The following RYR3 variants were observed in gnomAD, a reference collection of about 807,000 sequenced individuals.
The protein encoded by RYR3 is ryanodine receptor 3.
In RYR3, 207 loss-of-function variants were observed where a neutral mutation model predicts 584.3. That is an observed-to-expected ratio of 0.35 (90% CI 0.32 to 0.40). RYR3 has a LOEUF of 0.40. RYR3 is among the 10% of genes least tolerant of loss of function. RYR3 has a pLI of 1.00. For missense variants in RYR3, 5,616 were observed against 6,089.2 expected, an observed-to-expected ratio of 0.92 and a Z score of 2.59; for synonymous variants, 2,416 against 2,248.5, an observed-to-expected ratio of 1.07 and a Z score of -2.11.
At chr15:33,541,713 T>G (rs2141158120) in intron 7 of RYR3, among the ~76,000 whole-genome samples, 1 of 152,294 alleles carries the variant, frequency 6.6e-6, no homozygotes, top group South Asian at 2.1e-4. Flanking sequence ...AAAACAGAGT[T>G]GTCAAGGTGA....
intron 38 of RYR3, among the ~76,000 whole-genome samples, chr15:33,683,026 G>C (rs1013145637): frequency 2.7e-5 from 4 of 150,834 alleles, no homozygotes; most frequent in South Asian, 2.1e-4. Flanking sequence ...ATGGAGTCTC[G>C]CTCTGTTGCC....
Position 33,670,469 on chromosome 15 carries a change from G to A in RYR3, c.5773G>A (p.Gly1925Arg), listed in dbSNP as rs1423536501. ...GGAGGAGGAGGACACCTCCTGGACAGGAAAACTCTGTGCCTTGGTTTACAA... is the reference window on the plus strand; with the variant it reads ...GGAGGAGGAGGACACCTCCTGGACAAGAAAACTCTGTGCCTTGGTTTACAA... ...EEEEEDTSWTGKLCALVYKIK... is the reference protein window; with the variant it reads ...EEEEEDTSWTRKLCALVYKIK... Residue 1925 changes from glycine to arginine, a missense_variant, in exon 38 of 104, where the codon GGA (glycine) becomes AGA (arginine). Gly to Arg is a moderately radical substitution (Grantham distance 125, BLOSUM62 -2). Around this residue, in one of 9 missense-constraint regions of RYR3, gnomAD observed 1,280 missense variants for 1,426.2 expected, o/e 0.90. Transcript: ENST00000634891. 1 of 1,612,008 alleles carries A rather than the reference G, an allele frequency of 6.2e-7. No homozygotes were observed. Among genetic ancestry groups the A allele is most frequent in the Admixed American group, 1.7e-5 (1 of 59,562 alleles).
At chr15:33,586,436 A>G (rs1006800745) in intron 16 of RYR3, among the ~76,000 whole-genome samples, 8 of 152,050 alleles carry the variant, frequency 5.3e-5, no homozygotes, top group Non-Finnish European at 7.4e-5. Context: ...CTTTCACCCT[A>G]GGATCCAGGA....
At position 33,853,566 on chromosome 15, in the gene RYR3, G is replaced by A. The variant is rs543108841; in HGVS notation, c.13683G>A (p.Lys4561=). The change falls in exon 96 of 104, where the codon AAG becomes AAA. Residue 4561 remains lysine, a synonymous_variant. Coordinates refer to ENST00000634891, the MANE Select transcript of RYR3 (RefSeq NM_001036.6). ...ATCCTTTGCTTCAGGTGATCAACAA[G>A]TATGGAGATCTCTACGGAGCAGAAC... The part of the protein sequence containing the change: ...DKFVKRKVIN[K]YGDLYGAERI... 11 of 1,613,856 alleles carry A rather than the reference G, an allele frequency of 6.8e-6. No homozygotes were observed. In the South Asian group the frequency reaches 1.1e-4, roughly 16 times the overall value.
In RYR3 at chr15:33,524,101, G is replaced by A. The variant is rs551735880; in HGVS notation, c.280-6491G>A. Among the ~76,000 whole-genome samples, 35 of 152,214 alleles carry A rather than the reference G, an allele frequency of 2.3e-4. No individual in the cohort carries two copies. The South Asian group carries it at 2.5e-3, about 11-fold the overall frequency. On this transcript the variant is annotated intron_variant, in intron 3 of 103. Coordinates refer to ENST00000634891, the MANE Select transcript of RYR3 (RefSeq NM_001036.6). ...CGATTTCATTAAACACACGTACCAT[G>A]TTGTTGCACTACCCCCCTACACACA...
intron 58 of RYR3, among the ~76,000 whole-genome samples, chr15:33,755,823 G>T (rs1440473360): frequency 2.0e-5 from 3 of 152,114 alleles, no homozygotes; most frequent in Non-Finnish European, 1.5e-5. Flanking sequence ...AGGCTGGAGT[G>T]CAGTGGCACA....
At chr15:33,548,647 G>C (rs146609342) in intron 9 of RYR3, among the ~76,000 whole-genome samples, 600 of 152,316 alleles carry the variant, frequency 3.9e-3, no homozygotes, top group Non-Finnish European at 7.3e-3. Flanking sequence ...CACTGGAAAT[G>C]TAGGTGTGAA....
At chr15:33,600,524 G>A (rs566136232) in intron 16 of RYR3, among the ~76,000 whole-genome samples, 1 of 152,172 alleles carries the variant, frequency 6.6e-6, no homozygotes, top group South Asian at 2.1e-4. Context: ...GAGGACAGAG[G>A]AGAGGTGAGC....
chr15:33,391,490 G>A (rs1028555452), intron 1 of RYR3, among the ~76,000 whole-genome samples: 1 of 151,960 alleles, frequency 6.6e-6, no homozygotes, highest in Non-Finnish European at 1.5e-5. Flanking sequence ...GCCGGGCATG[G>A]TGGCCGGCGC....
At chr15:33,572,992 T>G (rs1255100643) in intron 12 of RYR3, among the ~76,000 whole-genome samples, 1 of 152,040 alleles carries the variant, frequency 6.6e-6, no homozygotes, top group Non-Finnish European at 1.5e-5. Flanking sequence ...AAATAAAAAA[T>G]AAAAATAAGA....
intron 1 of RYR3, among the ~76,000 whole-genome samples, chr15:33,379,687 C>CTATATATATATA (rs1555448829): frequency 8.0e-5 from 10 of 125,504 alleles, no homozygotes; most frequent in South Asian, 2.5e-4. Flanking sequence ...CTCTCTCTCT[C>CTATATATATATA]TATATATATA....
At chr15:33,365,605 T>G (rs1183965610) in intron 1 of RYR3, among the ~76,000 whole-genome samples, 4 of 152,242 alleles carry the variant, frequency 2.6e-5, no homozygotes, top group African/African-American at 4.8e-5. Flanking sequence ...ATAAGTCATT[T>G]AATCTACTAT....
At chr15:33,803,551 C>T (rs531059688) in intron 69 of RYR3, among the ~76,000 whole-genome samples, 2 of 152,214 alleles carry the variant, frequency 1.3e-5, no homozygotes, top group South Asian at 2.1e-4. Flanking sequence ...GAGTCTCACT[C>T]TGTTGCCCAG....
intron 12 of RYR3, among the ~76,000 whole-genome samples, chr15:33,572,816 A>AATACAAAAAT (rs1405511769): frequency 3.9e-5 from 6 of 151,938 alleles, no homozygotes; most frequent in Non-Finnish European, 8.8e-5. Flanking sequence ...CTTTACTAAA[A>AATACAAAAAT]ATACAAAAAT....
At chr15:33,647,671 T>A (rs1187599059) in intron 30 of RYR3, among the ~76,000 whole-genome samples, 1 of 152,202 alleles carries the variant, frequency 6.6e-6, no homozygotes, top group African/African-American at 2.4e-5. Flanking sequence ...AAGCTCTACC[T>A]GGAGCTCCTA....
intron 1 of RYR3, among the ~76,000 whole-genome samples, chr15:33,471,386 G>A (rs995323840): frequency 6.6e-6 from 1 of 152,168 alleles, no homozygotes; most frequent in Non-Finnish European, 1.5e-5. Flanking sequence ...GCAGGTTATT[G>A]TATCAGTTTC....
chr15:33,843,180 T>C (rs998437027), intron 91 of RYR3, among the ~76,000 whole-genome samples: 5 of 151,518 alleles, frequency 3.3e-5, no homozygotes, highest in Non-Finnish European at 7.4e-5. Flanking sequence ...ATTAGCCGGG[T>C]GTGTTGGCGG....
At chr15:33,457,143 GA>G (rs914623058) in intron 1 of RYR3, among the ~76,000 whole-genome samples, 27 of 152,114 alleles carry the variant, frequency 1.8e-4, no homozygotes, top group Admixed American at 1.2e-3. Context: ...ATTTCAAATG[GA>G]AAAAAATGTG....
intron 3 of RYR3, among the ~76,000 whole-genome samples, chr15:33,520,863 CT>C (rs1555509999): frequency 1.3e-5 from 2 of 152,180 alleles, no homozygotes; most frequent in Non-Finnish European, 1.5e-5. Context: ...AAATGCTCAT[CT>C]GTCTGTTTGA....
Sources: allele counts gnomAD v4.1 joint callset (sites outside exome capture counted in the v4.1 genomes callset), GRCh38; gene constraint gnomAD v4.1.1; regional missense constraint gnomAD v4.1.1; transcripts MANE v1.5; gene names NCBI Gene and HGNC (gene_info 2026-07-23, HGNC 2026-07-21).